Variants in PAX5 observed in about 807,000 individuals in gnomAD.
PAX5 encodes the protein paired box 5.
A neutral mutation model predicts 43.7 loss-of-function variants in PAX5; 9 were observed. The ratio of observed to expected loss-of-function variants is 0.21; its 90% CI spans 0.12 to 0.36. The LOEUF is 0.36. Among genes scored for constraint, PAX5 ranks in the 10% least tolerant of loss-of-function variants. The pLI is 1.00. For synonymous variants in PAX5, 228 were observed against 214.3 expected, an observed-to-expected ratio of 1.06 and a Z score of -0.56; for missense variants, 383 against 532.7, an observed-to-expected ratio of 0.72 and a Z score of 2.77.
In PAX5 at chr9:37,020,689, G is replaced by A. The variant is rs1272316862; in HGVS notation, c.159C>T (p.Asp53=). The A allele has an allele frequency of 1.2e-6, 2 of 1,614,206 alleles. No individual in the cohort carries two copies. Among genetic ancestry groups the A allele is most frequent in the Non-Finnish European group, 1.7e-6 (2 of 1,180,036 alleles). Residue 53 remains aspartate (D), a synonymous_variant, in exon 2 of 10, where the codon GAC becomes GAT. Transcript: ENST00000358127. Reference sequence around the variant, plus strand: ...GGCTGACCCGAAGCTGCCTGGAGATGTCGCAGGGCCTGACACCTTGATGAG... The same window carrying A: ...GGCTGACCCGAAGCTGCCTGGAGATATCGCAGGGCCTGACACCTTGATGAG... ...ELAHQGVRPC[D]ISRQLRVSHG... is the part of the protein sequence containing the mutation.
At chr9:37,026,027 A>T (rs577053920) in intron 1 of PAX5, among the ~76,000 whole-genome samples, 1 of 152,286 alleles carries the variant, frequency 6.6e-6, no homozygotes, top group African/African-American at 2.4e-5. Flanking sequence ...TTGGAGCCCT[A>T]GCCCCGGTGT....
rs926053251 is a variant in PAX5, at chr9:37,020,771, A to T, written c.77T>A (p.Val26Asp). 2 of 1,613,246 alleles carry T rather than the reference A, an allele frequency of 1.2e-6. No individual in the cohort carries two copies. Among genetic ancestry groups the T allele is most frequent in the Non-Finnish European group, 1.7e-6 (2 of 1,179,830 alleles). The change falls in exon 2 of 10, where the codon GTT (valine) becomes GAT (aspartate). Residue 26 changes from valine to aspartate, a missense_variant. Val to Asp is a radical substitution (Grantham distance 152, BLOSUM62 -3). Transcript: ENST00000358127. ...CGGGAGTGGCCGTCCATTCACAAAAACCCCCCCAAGCTGATTCACTCCTCC... is the reference window on the plus strand; with the variant it reads ...CGGGAGTGGCCGTCCATTCACAAAATCCCCCCCAAGCTGATTCACTCCTCC... Reference protein sequence around the residue: ...GHGGVNQLGGVFVNGRPLPDV... With the variant: ...GHGGVNQLGGDFVNGRPLPDV...
Position 37,020,715 on chromosome 9 carries a change from C to T in PAX5, c.133G>A (p.Ala45Thr). 6.2e-7 allele frequency: 1 copy of T among 1,614,226 alleles called. No individual in the cohort carries two copies. ...TCGCAGGGCCTGACACCTTGATGAGCAAGTTCCACTATCCTCTGGCGGACT... is the reference window on the plus strand; with the variant it reads ...TCGCAGGGCCTGACACCTTGATGAGTAAGTTCCACTATCCTCTGGCGGACT... ...DVVRQRIVELAHQGVRPCDIS... is the reference protein window; with the variant it reads ...DVVRQRIVELTHQGVRPCDIS... Residue 45 changes from alanine (A) to threonine (T), a missense_variant, in exon 2 of 10, where the codon GCT becomes ACT. Ala to Thr is a moderately conservative substitution (Grantham distance 58, BLOSUM62 0). Coordinates refer to ENST00000358127, the MANE Select transcript of PAX5 (RefSeq NM_016734.3).
At chr9:36,883,512 T>C (rs571635864) in intron 7 of PAX5, among the ~76,000 whole-genome samples, 4 of 151,854 alleles carry the variant, frequency 2.6e-5, no homozygotes, top group African/African-American at 9.7e-5. Context: ...AAAAAATATA[T>C]ATATATAAAT....
At chr9:36,909,519 G>A (rs187743854) in intron 7 of PAX5, among the ~76,000 whole-genome samples, 113 of 152,358 alleles carry the variant, frequency 7.4e-4, no homozygotes, top group Non-Finnish European at 1.2e-3. Flanking sequence ...GAGAGCCTGT[G>A]GGCTGCCCTT....
intron 6 of PAX5, among the ~76,000 whole-genome samples, chr9:36,951,672 T>A (rs1404457334): frequency 6.6e-6 from 1 of 152,236 alleles, no homozygotes; most frequent in Non-Finnish European, 1.5e-5. Flanking sequence ...TCTATTTATC[T>A]TGCAAATCCA....
At chr9:36,843,089 TGTGC>T (rs896754453) in intron 9 of PAX5, among the ~76,000 whole-genome samples, 6 of 151,770 alleles carry the variant, frequency 4.0e-5, no homozygotes, top group African/African-American at 1.5e-4. Flanking sequence ...CCTGTGTGTG[TGTGC>T]GTGTGTGTGT....
At chr9:36,996,950 A>G (rs1837448445) in intron 5 of PAX5, among the ~76,000 whole-genome samples, 1 of 152,220 alleles carries the variant, frequency 6.6e-6, no homozygotes, top group Non-Finnish European at 1.5e-5. Flanking sequence ...AAAGCTAGTG[A>G]GAGCTAGACC....
At chr9:37,031,596 A>G (rs1188112375) in intron 1 of PAX5, among the ~76,000 whole-genome samples, 2 of 152,132 alleles carry the variant, frequency 1.3e-5, no homozygotes, top group Non-Finnish European at 2.9e-5. Flanking sequence ...CCCAGCAGGA[A>G]CAGGAGGTCT....
At chr9:36,881,936 G>GGT in intron 8 of PAX5, 68 bp downstream of exon 8, 1 of 1,154,660 alleles carries the variant, frequency 8.7e-7, no homozygotes, top group Non-Finnish European at 1.3e-6. Flanking sequence ...GGCTGTTTGG[G>GGT]GGGGGATGTC....
intron 5 of PAX5, among the ~76,000 whole-genome samples, chr9:36,987,227 T>C (rs1218770843): frequency 6.6e-6 from 1 of 152,196 alleles, no homozygotes; most frequent in East Asian, 1.9e-4. Flanking sequence ...AGCCTAGACC[T>C]GGGCACCTCC....
intron 7 of PAX5, among the ~76,000 whole-genome samples, chr9:36,898,687 G>A (rs368248422): frequency 5.3e-5 from 8 of 152,178 alleles, no homozygotes; most frequent in East Asian, 3.9e-4. Flanking sequence ...TGGTTTGCCC[G>A]CTCTCCGAAC....
chr9:36,915,783 A>G (rs1328965038), intron 7 of PAX5, among the ~76,000 whole-genome samples: 1 of 152,190 alleles, frequency 6.6e-6, no homozygotes, highest in Non-Finnish European at 1.5e-5. Context: ...TTATAAAAAA[A>G]TTTCCAGGCC....
chr9:36,897,544 TA>T (rs112978417), intron 7 of PAX5, among the ~76,000 whole-genome samples: 4,475 of 144,800 alleles, frequency 0.031, 82 homozygotes, highest in African/African-American at 0.06. Context: ...TAACAGTTGC[TA>T]AAAAAAAAAA....
intron 8 of PAX5, among the ~76,000 whole-genome samples, chr9:36,865,758 T>G (rs1350522408): frequency 3.3e-5 from 5 of 152,162 alleles, no homozygotes. Flanking sequence ...TTTGCCCCAG[T>G]TTTTCTGGTA....
At chr9:36,910,859 CT>C (rs1347646017) in intron 7 of PAX5, among the ~76,000 whole-genome samples, 1 of 152,192 alleles carries the variant, frequency 6.6e-6, no homozygotes. Context: ...CCCTCGAAGC[CT>C]GATTTATGGG....
chr9:36,917,235 T>A (rs1187651103), intron 7 of PAX5, among the ~76,000 whole-genome samples: 1 of 152,106 alleles, frequency 6.6e-6, no homozygotes, highest in African/African-American at 2.4e-5. Flanking sequence ...AAAGAAGCCT[T>A]CTCCTGCAGA....
At chr9:36,865,872 G>T (rs556218200) in intron 8 of PAX5, among the ~76,000 whole-genome samples, 119 of 152,382 alleles carry the variant, frequency 7.8e-4, no homozygotes, top group Non-Finnish European at 1.5e-3. Flanking sequence ...GCAGTGAAGC[G>T]TGGGTCGCTC....
At chr9:36,963,881 A>G (rs1834180807) in intron 6 of PAX5, among the ~76,000 whole-genome samples, 2 of 152,178 alleles carry the variant, frequency 1.3e-5, no homozygotes, top group South Asian at 4.1e-4. Flanking sequence ...GTGACCTCAG[A>G]CATGCCCTGT....
Sources: gnomAD v4.1 joint callset for allele counts (sites outside exome capture counted in the v4.1 genomes callset) on GRCh38, gnomAD v4.1.1 for gene constraint, MANE v1.5 for transcripts, NCBI Gene and HGNC (gene_info 2026-07-23, HGNC 2026-07-21) for gene names.